Variants in EXOC6B observed in about 807,000 individuals in gnomAD.
EXOC6B encodes exocyst complex component 6B.
EXOC6B carries 54 observed loss-of-function variants against 113.5 expected under a neutral mutation model. That is an observed-to-expected ratio of 0.48 (90% confidence interval 0.38 to 0.60). The LOEUF is 0.60. Ranked by LOEUF, EXOC6B falls within the 20% of genes least tolerant of loss-of-function variation. EXOC6B has a pLI of 0.00. For synonymous variants in EXOC6B, 357 were observed against 339.0 expected, an observed-to-expected ratio of 1.05 and a Z score of -0.58; for missense variants, 797 against 977.5, an observed-to-expected ratio of 0.82 and a Z score of 2.46.
chr2:72,545,085 A>T (rs1702819626), intron 8 of EXOC6B, among the ~76,000 whole-genome samples: 3 of 152,144 alleles, frequency 2.0e-5, no homozygotes, highest in Admixed American at 1.3e-4. Flanking sequence ...CATAAAATTA[A>T]TTTTTAAAAT....
At chr2:72,697,780 C>T (rs535950122) in intron 6 of EXOC6B, among the ~76,000 whole-genome samples, 1 of 152,308 alleles carries the variant, frequency 6.6e-6, no homozygotes, top group South Asian at 2.1e-4. Flanking sequence ...AATGCGTCTG[C>T]ACTTTATAAT....
intron 5 of EXOC6B, among the ~76,000 whole-genome samples, chr2:72,726,401 T>C (rs1004688726): frequency 5.9e-5 from 9 of 152,142 alleles, no homozygotes; most frequent in African/African-American, 2.2e-4. Flanking sequence ...GTGAAATAAA[T>C]ACTTTTTTCA....
At chr2:72,328,116 TA>T (rs1187806255) in intron 20 of EXOC6B, among the ~76,000 whole-genome samples, 3 of 152,140 alleles carry the variant, frequency 2.0e-5, no homozygotes, top group Non-Finnish European at 4.4e-5. Flanking sequence ...GAATAGGAAT[TA>T]TTTCCTGTCA....
rs1236296947 is a variant in EXOC6B at position 72,579,068 on chromosome 2, C to T, written c.670-3400G>A. On this transcript the variant is annotated intron_variant, in intron 6 of 21. Transcript: ENST00000272427. ...GAAATAGAAAATCTAATATACATCA[C>T]TAAAACAGTCCAAATAACATTATGA... Among the ~76,000 whole-genome samples, 3 of 152,048 alleles carry T rather than the reference C, an allele frequency of 2.0e-5. No homozygotes were observed. The East Asian group carries it at 5.8e-4, about 29-fold the overall frequency.
intron 1 of EXOC6B, among the ~76,000 whole-genome samples, chr2:72,791,332 T>C (rs1410382099): frequency 1.3e-5 from 2 of 152,120 alleles, no homozygotes; most frequent in African/African-American, 4.8e-5. Flanking sequence ...CCACTTGAGC[T>C]GTGGAGTTCA....
At chr2:72,770,442 C>T (rs1169516356) in intron 1 of EXOC6B, among the ~76,000 whole-genome samples, 1 of 152,180 alleles carries the variant, frequency 6.6e-6, no homozygotes, top group Non-Finnish European at 1.5e-5. Flanking sequence ...TCATCTGTCA[C>T]ATATTATGTA....
chr2:72,789,603 C>A (rs1356934432), intron 1 of EXOC6B, among the ~76,000 whole-genome samples: 1 of 152,154 alleles, frequency 6.6e-6, no homozygotes, highest in African/African-American at 2.4e-5. Context: ...AAAACTAGTT[C>A]TTTTTATGAC....
In EXOC6B at chr2:72,220,524, T is replaced by A. The variant is rs1054412008; in HGVS notation, c.2197-36337A>T. 2.0e-5 allele frequency among the ~76,000 whole-genome samples: 3 copies of A among 152,184 alleles called. No homozygotes were observed. In the East Asian group the frequency reaches 5.8e-4, roughly 29 times the overall value. ...TAATTTGCAGGGCATTCAAAGAAAG[T>A]ACTGTGTGGTTCTGGCCACTAAAAA... On this transcript the variant is annotated intron_variant, in intron 20 of 21. Coordinates refer to ENST00000272427, the MANE Select transcript of EXOC6B (RefSeq NM_015189.3).
chr2:72,775,521 G>A (rs560628941), intron 1 of EXOC6B, among the ~76,000 whole-genome samples: 1 of 152,100 alleles, frequency 6.6e-6, no homozygotes, highest in Admixed American at 6.5e-5. Context: ...AAACAGCCCA[G>A]GTGTTCAACA....
intron 20 of EXOC6B, among the ~76,000 whole-genome samples, chr2:72,197,962 C>A (rs1238792234): frequency 6.6e-6 from 1 of 152,142 alleles, no homozygotes; most frequent in Non-Finnish European, 1.5e-5. Context: ...GGTTTTGAAG[C>A]TGGATAGGAC....
chr2:72,336,244 T>C (rs1450387440), intron 19 of EXOC6B, among the ~76,000 whole-genome samples: 1 of 152,204 alleles, frequency 6.6e-6, no homozygotes, highest in East Asian at 1.9e-4. Flanking sequence ...TCTTTTGCAA[T>C]CAATAAAATC....
intron 19 of EXOC6B, among the ~76,000 whole-genome samples, chr2:72,338,910 CACACATACACATACACAT>C (rs70963125): frequency 1.5e-3 from 219 of 142,524 alleles, no homozygotes; most frequent in African/African-American, 5.4e-3. Flanking sequence ...TGGAAGAACA[CACACATACACATACACAT>C]ACACATACAC....
At chr2:72,258,070 A>C (rs535959020) in intron 20 of EXOC6B, among the ~76,000 whole-genome samples, 1 of 152,350 alleles carries the variant, frequency 6.6e-6, no homozygotes, top group Non-Finnish European at 1.5e-5. Flanking sequence ...CTAAAAGCCT[A>C]TATATGATTA....
chr2:72,823,536 C>A (rs1456577803), intron 1 of EXOC6B, among the ~76,000 whole-genome samples: 1 of 147,102 alleles, frequency 6.8e-6, no homozygotes, highest in Non-Finnish European at 1.5e-5. Flanking sequence ...GTAATCCCAG[C>A]ACTTTGGGAG....
At chr2:72,571,448 G>A (rs1199304002) in intron 7 of EXOC6B, among the ~76,000 whole-genome samples, 1 of 151,862 alleles carries the variant, frequency 6.6e-6, no homozygotes, top group African/African-American at 2.4e-5. Context: ...AATATCAGCA[G>A]CTTCATATAG....
chr2:72,651,805 C>T (rs949172660), intron 6 of EXOC6B, among the ~76,000 whole-genome samples: 1 of 152,024 alleles, frequency 6.6e-6, no homozygotes, highest in African/African-American at 2.4e-5. Context: ...CTGTGTTATC[C>T]AGGGTGGTCT....
At chr2:72,370,423 A>G (rs1383618132) in intron 19 of EXOC6B, among the ~76,000 whole-genome samples, 5 of 152,186 alleles carry the variant, frequency 3.3e-5, no homozygotes, top group African/African-American at 1.2e-4. Flanking sequence ...GGGACTGTAA[A>G]CCGGTTCAAC....
intron 18 of EXOC6B, among the ~76,000 whole-genome samples, chr2:72,423,035 TA>T (rs1319031307): frequency 6.6e-6 from 1 of 152,124 alleles, no homozygotes; most frequent in Non-Finnish European, 1.5e-5. Flanking sequence ...CTCTTTGCAA[TA>T]AATCTTGCTA....
intron 20 of EXOC6B, among the ~76,000 whole-genome samples, chr2:72,229,461 T>C (rs1681470695): frequency 6.6e-6 from 1 of 152,110 alleles, no homozygotes; most frequent in Non-Finnish European, 1.5e-5. Flanking sequence ...ACAGGACAAG[T>C]TTAGTGCAAC....
Sources: allele counts gnomAD v4.1 joint callset (sites outside exome capture counted in the v4.1 genomes callset), GRCh38; gene constraint gnomAD v4.1.1; transcripts MANE v1.5; gene names NCBI Gene and HGNC (gene_info 2026-07-23, HGNC 2026-07-21).